The following STXBP5L variants were observed in gnomAD, a reference collection of about 807,000 sequenced individuals.
STXBP5L encodes the protein syntaxin binding protein 5L.
Under a neutral mutation model 144.5 loss-of-function variants are expected in STXBP5L, and 65 were observed. The ratio of observed to expected loss-of-function variants is 0.45; its 90% CI spans 0.37 to 0.55. The LOEUF (loss-of-function observed/expected upper bound fraction) is 0.55, where lower values mean the gene tolerates loss of function less well. Among genes scored for constraint, STXBP5L ranks in the 20% least tolerant of loss-of-function variants. The pLI is 0.00. For missense variants in STXBP5L, 1,298 were observed against 1,405.5 expected, an observed-to-expected ratio of 0.92 and a Z score of 1.22; for synonymous variants, 505 against 469.6, an observed-to-expected ratio of 1.08 and a Z score of -0.97.
intron 19 of STXBP5L, among the ~76,000 whole-genome samples, chr3:121,289,330 AC>A (rs1270690143): frequency 2.0e-5 from 3 of 152,156 alleles, no homozygotes; most frequent in Non-Finnish European, 4.4e-5. Flanking sequence ...TGATAAAAGG[AC>A]TAGTCCAACG....
chr3:121,354,065 G>C (rs1317343300), intron 20 of STXBP5L, among the ~76,000 whole-genome samples: 1 of 152,114 alleles, frequency 6.6e-6, no homozygotes, highest in Non-Finnish European at 1.5e-5. Flanking sequence ...TGTGATTTCT[G>C]TTCTTTTACT....
At chr3:120,918,661 T>C (rs941218838) in intron 2 of STXBP5L, among the ~76,000 whole-genome samples, 1 of 152,198 alleles carries the variant, frequency 6.6e-6, no homozygotes, top group Non-Finnish European at 1.5e-5. Context: ...TTTCTTTATA[T>C]AATCTAACAT....
intron 22 of STXBP5L, among the ~76,000 whole-genome samples, chr3:121,389,041 G>A (rs747790507): frequency 1.3e-5 from 2 of 152,092 alleles, no homozygotes; most frequent in Non-Finnish European, 2.9e-5. Flanking sequence ...TGGTTGGTAG[G>A]CTATTAATTA....
intron 23 of STXBP5L, among the ~76,000 whole-genome samples, chr3:121,412,568 G>A (rs1336876472): frequency 6.6e-6 from 1 of 151,878 alleles, no homozygotes; most frequent in Non-Finnish European, 1.5e-5. Flanking sequence ...ATTTTTGTAA[G>A]ATTTCTCCTT....
chr3:120,968,663 C>T (rs766435707), intron 3 of STXBP5L, among the ~76,000 whole-genome samples: 2 of 152,060 alleles, frequency 1.3e-5, no homozygotes, highest in Non-Finnish European at 1.5e-5. Context: ...TTTTAGTGCA[C>T]CTGTTACCTG....
At chr3:121,016,008 G>T (rs1287288353) in intron 3 of STXBP5L, among the ~76,000 whole-genome samples, 1 of 152,132 alleles carries the variant, frequency 6.6e-6, no homozygotes, top group Non-Finnish European at 1.5e-5. Context: ...TGTCTGAGGA[G>T]GAATATTTCA....
At chr3:121,030,592 T>C (rs899610980) in intron 3 of STXBP5L, among the ~76,000 whole-genome samples, 15 of 152,184 alleles carry the variant, frequency 9.9e-5, no homozygotes, top group African/African-American at 2.9e-4. Context: ...GATGGGTTGA[T>C]GGGTGCAGCA....
intron 3 of STXBP5L, among the ~76,000 whole-genome samples, chr3:121,037,663 A>C (rs933306100): frequency 3.9e-5 from 6 of 152,192 alleles, no homozygotes; most frequent in Admixed American, 1.3e-4. Context: ...TTAGAGTAAA[A>C]GTATTTTTAT....
rs528192605 is a variant in STXBP5L, at chr3:121,249,509, A to G, written c.1401-1214A>G. Among the ~76,000 whole-genome samples the G allele has an allele frequency of 2.6e-5, 4 of 152,292 alleles. No individual in the cohort carries two copies. In the South Asian group the frequency reaches 8.3e-4, roughly 32 times the overall value. On this transcript the variant is annotated intron_variant, in intron 14 of 26. Transcript: ENST00000471454. ...ATTTCCAAATGTCTATTGCTATTCA[A>G]TGGAAATGCAATTGATTTTTGTATA...
At chr3:121,225,574 G>A (rs1314630796) in intron 11 of STXBP5L, among the ~76,000 whole-genome samples, 2 of 152,080 alleles carry the variant, frequency 1.3e-5, no homozygotes. Flanking sequence ...GATCAGTAAA[G>A]ATTAGAGACT....
rs536214211 is a variant in STXBP5L at position 120,954,918 on chromosome 3, G to C, written c.190-22G>C. The C allele has an allele frequency of 1.1e-5, 18 of 1,585,020 alleles. No individual in the cohort carries two copies. In the South Asian group the frequency reaches 1.5e-4, roughly 13 times the overall value. ...ATTTTTATTTCCCTAGAGACTTATT[G>C]GTATTATTTGCTCTCTTTCAGACAG... On this transcript the variant is annotated intron_variant, in intron 2 of 26. Coordinates refer to ENST00000471454, the MANE Select transcript of STXBP5L (RefSeq NM_001308330.2).
chr3:121,067,212 G>C (rs78808712), intron 5 of STXBP5L, among the ~76,000 whole-genome samples: 15,075 of 151,646 alleles, frequency 0.099, 1,183 homozygotes, highest in Admixed American at 0.2. Context: ...CTTTTAACTA[G>C]ATTAATGAGA....
intron 3 of STXBP5L, among the ~76,000 whole-genome samples, chr3:120,962,698 A>G (rs1318173694): frequency 6.6e-6 from 1 of 152,194 alleles, no homozygotes; most frequent in Non-Finnish European, 1.5e-5. Context: ...TATAGTTTGA[A>G]GTCAGGTAGC....
At chr3:121,027,412 T>C (rs1273087640) in intron 3 of STXBP5L, among the ~76,000 whole-genome samples, 2 of 152,124 alleles carry the variant, frequency 1.3e-5, no homozygotes, top group Non-Finnish European at 2.9e-5. Flanking sequence ...CTTACAGTTT[T>C]GGAGATCAGA....
At chr3:121,091,886 T>C (rs965208828) in intron 5 of STXBP5L, among the ~76,000 whole-genome samples, 14 of 152,216 alleles carry the variant, frequency 9.2e-5, no homozygotes, top group Non-Finnish European at 1.8e-4. Flanking sequence ...CTAGGTTTTC[T>C]TCTAGGATCT....
chr3:121,055,922 G>C (rs1266881333), intron 5 of STXBP5L, among the ~76,000 whole-genome samples: 4 of 151,324 alleles, frequency 2.6e-5, no homozygotes, highest in Non-Finnish European at 5.9e-5. Flanking sequence ...CAAATTCCTG[G>C]GCTCAAGCAA....
chr3:120,921,026 C>T (rs1213960215), intron 2 of STXBP5L, among the ~76,000 whole-genome samples: 1 of 151,382 alleles, frequency 6.6e-6, no homozygotes, highest in Non-Finnish European at 1.5e-5. Context: ...GCTGGTTGTT[C>T]TATTTTTAGT....
At position 121,324,370 on chromosome 3, in the gene STXBP5L, G is replaced by A. The variant is rs536374433; in HGVS notation, c.2176+5830G>A. The A allele has an allele frequency of 1.1e-4, 58 of 544,206 alleles. No individual in the cohort carries two copies. The East Asian group carries it at 1.6e-3, about 15-fold the overall frequency. 33.7% of individuals were successfully genotyped at this position (544,206 alleles called of 1,614,324 possible). On this transcript the variant is annotated intron_variant, in intron 20 of 26. Coordinates refer to ENST00000471454, the MANE Select transcript of STXBP5L (RefSeq NM_001308330.2). ...CAGTATTTATCTTTATTTTAGATAA[G>A]GATACAAAATGCAGATCTTTCCAAA... is the stretch of plus-strand genomic sequence containing the variant.
intron 3 of STXBP5L, among the ~76,000 whole-genome samples, chr3:121,018,516 C>A (rs1576675527): frequency 2.7e-5 from 3 of 112,942 alleles, no homozygotes; most frequent in East Asian, 2.4e-4. Context: ...ACTGGACATC[C>A]ATATACCAAA....
Sources: allele counts gnomAD v4.1 joint callset (sites outside exome capture counted in the v4.1 genomes callset), GRCh38; gene constraint gnomAD v4.1.1; transcripts MANE v1.5; gene names NCBI Gene and HGNC (gene_info 2026-07-23, HGNC 2026-07-21).